The following UBOX5 variants were observed in gnomAD, a reference collection of about 807,000 sequenced individuals.
UBOX5 encodes the protein U-box domain containing 5.
UBOX5 carries 28 observed loss-of-function variants against 39.0 expected under a neutral mutation model. The observed-to-expected ratio is 0.72, with a 90% CI of 0.53 to 0.98. The LOEUF is 0.98. UBOX5 is among the 50% of genes least tolerant of loss of function. The pLI, the probability that UBOX5 is intolerant of heterozygous loss-of-function variation, is 0.00. For synonymous variants in UBOX5, 283 were observed against 275.5 expected (o/e 1.03, Z -0.27); for missense variants, 585 against 674.4 (o/e 0.87, Z 1.47).
chr20:3,129,399 G>A (rs765364724), intron 1 of UBOX5, among the ~76,000 whole-genome samples: 6 of 152,280 alleles, frequency 3.9e-5, no homozygotes, highest in Non-Finnish European at 5.9e-5. Flanking sequence ...TTCAGTGGCC[G>A]ACTTGTGACG....
chr20:3,152,148 T>C (rs1265831326), intron 1 of UBOX5, among the ~76,000 whole-genome samples: 1 of 140,954 alleles, frequency 7.1e-6, no homozygotes, highest in Non-Finnish European at 1.5e-5. Flanking sequence ...AGATAGCAGG[T>C]AACAGAACTC....
chr20:3,148,238 A>C, intron 1 of UBOX5: 2 of 1,614,008 alleles, frequency 1.2e-6, no homozygotes, highest in Non-Finnish European at 1.7e-6. Flanking sequence ...TAGCTGAGAC[A>C]AGGATAGATC....
chr20:3,122,621 A>G, intron 2 of UBOX5, 37 bp from the exon 3 acceptor site: 2 of 1,519,584 alleles, frequency 1.3e-6, no homozygotes, highest in Non-Finnish European at 1.8e-6. Context: ...CAATGATCCA[A>G]ATGAAGACAA....
rs368414750 is a variant in UBOX5, at chr20:3,138,602, T to C, written c.-41-15196A>G. 6.6e-5 allele frequency among the ~76,000 whole-genome samples: 10 copies of C among 152,272 alleles called. 1 individual carries two copies. In the South Asian group the frequency reaches 1.2e-3, roughly 19 times the overall value. On this transcript the variant is annotated intron_variant, in intron 1 of 4. Coordinates refer to ENST00000217173, the MANE Select transcript of UBOX5 (RefSeq NM_014948.4). Reference sequence around the variant, plus strand: ...GATCCAGGAGTTGAGTGGCCAACTGTCTTGGCATACCCACAGCTAAGGAGT... The same window carrying C: ...GATCCAGGAGTTGAGTGGCCAACTGCCTTGGCATACCCACAGCTAAGGAGT...
At position 3,137,427 on chromosome 20, in the gene UBOX5, C is replaced by G. The variant is rs185591138; in HGVS notation, c.-41-14021G>C. Among the ~76,000 whole-genome samples, 13 of 152,218 alleles carry G rather than the reference C, an allele frequency of 8.5e-5. No individual in the cohort carries two copies. In the East Asian group the frequency reaches 2.5e-3, roughly 29 times the overall value. ...GAGATTACAGGTGCCCGCCACCATG[C>G]CTGGCTATTTTTTGTATTTTTAGTA... is the stretch of plus-strand genomic sequence containing the variant. On this transcript the variant is annotated intron_variant, in intron 1 of 4. Transcript: ENST00000217173.
chr20:3,129,672 ATTGT>A (rs1332115688), intron 1 of UBOX5, among the ~76,000 whole-genome samples: 1 of 152,194 alleles, frequency 6.6e-6, no homozygotes, highest in Non-Finnish European at 1.5e-5. Flanking sequence ...CAAAATGATC[ATTGT>A]CTGTTCTATA....
intron 1 of UBOX5, chr20:3,148,815 A>G: frequency 6.2e-7 from 1 of 1,614,228 alleles, no homozygotes; most frequent in Non-Finnish European, 8.5e-7. Context: ...CTGGCCTTAG[A>G]GGAAGAAGTC....
At chr20:3,146,973 G>A in intron 1 of UBOX5, 10 of 1,614,198 alleles carry the variant, frequency 6.2e-6, no homozygotes, top group Non-Finnish European at 8.5e-6. Flanking sequence ...TTTGTGAACT[G>A]AACAGCCAGC....
intron 1 of UBOX5, among the ~76,000 whole-genome samples, chr20:3,129,144 C>T (rs1234312118): frequency 1.3e-5 from 2 of 152,164 alleles, no homozygotes; most frequent in African/African-American, 4.8e-5. Flanking sequence ...CTAACCCTGA[C>T]CAGACACAGA....
intron 3 of UBOX5, among the ~76,000 whole-genome samples, chr20:3,119,758 G>A (rs1045023523): frequency 2.0e-5 from 3 of 152,136 alleles, no homozygotes; most frequent in Non-Finnish European, 4.4e-5. Context: ...GGAGGCTGAG[G>A]CAGGAGAATT....
At chr20:3,139,863 C>A (rs1255260745) in intron 1 of UBOX5, among the ~76,000 whole-genome samples, 1 of 151,650 alleles carries the variant, frequency 6.6e-6, no homozygotes, top group East Asian at 1.9e-4. Flanking sequence ...GCATGCACCA[C>A]CACACCCAGC....
At chr20:3,135,571 T>C (rs1266307882) in intron 1 of UBOX5, among the ~76,000 whole-genome samples, 1 of 151,534 alleles carries the variant, frequency 6.6e-6, no homozygotes, top group East Asian at 1.9e-4. Flanking sequence ...TTTCCCAAAC[T>C]GCAGGTTGAG....
intron 1 of UBOX5, among the ~76,000 whole-genome samples, chr20:3,144,942 G>A (rs2066547289): frequency 6.6e-6 from 1 of 152,182 alleles, no homozygotes; most frequent in Admixed American, 6.6e-5. Flanking sequence ...AAAAATATGA[G>A]GGTAGGGGGA....
chr20:3,145,074 A>C (rs1238237604), intron 1 of UBOX5, among the ~76,000 whole-genome samples: 1 of 152,218 alleles, frequency 6.6e-6, no homozygotes, highest in Non-Finnish European at 1.5e-5. Context: ...AACCACATCT[A>C]AACAAGAATA....
At chr20:3,117,287 G>GCACACACACACA (rs11468015) in intron 3 of UBOX5, among the ~76,000 whole-genome samples, 1 of 147,414 alleles carries the variant, frequency 6.8e-6, no homozygotes, top group African/African-American at 2.5e-5. Context: ...ACCAAAGATG[G>GCACACACACACA]CACACACACA....
chr20:3,152,141 T>G (rs2066634357), intron 1 of UBOX5, among the ~76,000 whole-genome samples: 1 of 142,232 alleles, frequency 7.0e-6, no homozygotes, highest in Admixed American at 7.1e-5. Flanking sequence ...AAAACAGAGA[T>G]AGCAGGTAAC....
intron 1 of UBOX5, among the ~76,000 whole-genome samples, chr20:3,124,303 C>A (rs977427404): frequency 1.3e-5 from 2 of 152,204 alleles, no homozygotes; most frequent in African/African-American, 4.8e-5. Context: ...TCGCTGCAAC[C>A]TCCCTGCCTC....
At chr20:3,117,443 G>C (rs539268073) in intron 3 of UBOX5, among the ~76,000 whole-genome samples, 1 of 152,254 alleles carries the variant, frequency 6.6e-6, no homozygotes, top group Non-Finnish European at 1.5e-5. Flanking sequence ...CAGAGTTTTG[G>C]GAGGCCAAGG....
At chr20:3,116,976 A>G (rs1279595671) in intron 3 of UBOX5, among the ~76,000 whole-genome samples, 2 of 152,004 alleles carry the variant, frequency 1.3e-5, no homozygotes, top group Non-Finnish European at 2.9e-5. Flanking sequence ...CGTGCCTGTA[A>G]TCCCAGCTAC....
Sources: allele counts gnomAD v4.1 joint callset (sites outside exome capture counted in the v4.1 genomes callset), GRCh38; gene constraint gnomAD v4.1.1; transcripts MANE v1.5; gene names NCBI Gene and HGNC (gene_info 2026-07-23, HGNC 2026-07-21).